The following SGCZ variants were observed in gnomAD, a reference collection of about 807,000 sequenced individuals.
SGCZ encodes the protein zeta-sarcoglycan.
SGCZ carries 40 observed loss-of-function variants against 41.3 expected under a neutral mutation model. The ratio of observed to expected loss-of-function variants is 0.97; its 90% CI spans 0.75 to 1.26. SGCZ has a LOEUF of 1.26. Among genes scored for constraint, SGCZ ranks in the 50% most tolerant of loss-of-function variants. The probability of loss-of-function intolerance (pLI) is 0.00; values close to 1 mark genes in which losing one functional copy is unlikely to be tolerated. For missense variants in SGCZ, 552 were observed against 369.8 expected, an observed-to-expected ratio of 1.49 and a Z score of -4.04; for synonymous variants, 206 against 137.5, an observed-to-expected ratio of 1.50 and a Z score of -3.49.
intron 2 of SGCZ, among the ~76,000 whole-genome samples, chr8:14,551,521 TATAA>T (rs1803835692): frequency 1.8e-4 from 1 of 5,538 alleles, no homozygotes; most frequent in Non-Finnish European, 2.8e-4. Context: ...ATATATTATA[TATAA>T]TATATATAAT....
intron 1 of SGCZ, among the ~76,000 whole-genome samples, chr8:15,009,878 C>A (rs1189962740): frequency 6.6e-6 from 1 of 152,110 alleles, no homozygotes; most frequent in Non-Finnish European, 1.5e-5. Flanking sequence ...TCCTCTGTAG[C>A]AAATTTATAT....
chr8:14,342,864 C>A (rs1382763468), intron 2 of SGCZ, among the ~76,000 whole-genome samples: 1 of 152,188 alleles, frequency 6.6e-6, no homozygotes, highest in Admixed American at 6.5e-5. Flanking sequence ...ATGACAGCGA[C>A]CTTCACCGAA....
At chr8:14,751,045 G>A (rs1458328759) in intron 1 of SGCZ, among the ~76,000 whole-genome samples, 1 of 152,124 alleles carries the variant, frequency 6.6e-6, no homozygotes, top group Non-Finnish European at 1.5e-5. Context: ...GCTATCATAT[G>A]TACAACTCTT....
At chr8:14,495,916 G>A (rs1361693879) in intron 2 of SGCZ, among the ~76,000 whole-genome samples, 3 of 152,102 alleles carry the variant, frequency 2.0e-5, no homozygotes, top group Non-Finnish European at 4.4e-5. Flanking sequence ...AAGGACATTT[G>A]TTGGATCTAG....
intron 1 of SGCZ, among the ~76,000 whole-genome samples, chr8:15,066,600 TTTC>T (rs1322179776): frequency 1.3e-5 from 2 of 152,226 alleles, no homozygotes; most frequent in Admixed American, 6.5e-5. Flanking sequence ...ATACTAACAT[TTTC>T]TTCAACTCAA....
At chr8:14,619,467 AG>A (rs750913299) in intron 1 of SGCZ, among the ~76,000 whole-genome samples, 7 of 152,100 alleles carry the variant, frequency 4.6e-5, no homozygotes, top group Non-Finnish European at 8.8e-5. Context: ...AAAAAAATAA[AG>A]GGTATTCAAT....
chr8:14,814,900 A>G (rs1412003044), intron 1 of SGCZ, among the ~76,000 whole-genome samples: 1 of 152,190 alleles, frequency 6.6e-6, no homozygotes, highest in Non-Finnish European at 1.5e-5. Context: ...AGCTACATAT[A>G]GTTGCTATTT....
At chr8:14,493,606 T>G (rs1461643903) in intron 2 of SGCZ, among the ~76,000 whole-genome samples, 2 of 151,692 alleles carry the variant, frequency 1.3e-5, no homozygotes, top group African/African-American at 2.4e-5. Flanking sequence ...GACCTCATGA[T>G]CTGCCCACCT....
chr8:14,867,933 C>G (rs1056215374), intron 1 of SGCZ, among the ~76,000 whole-genome samples: 3 of 148,252 alleles, frequency 2.0e-5, no homozygotes, highest in African/African-American at 7.6e-5. Flanking sequence ...AAAAAAAAAG[C>G]CTGAAGAAGG....
At chr8:14,287,070 CT>C (rs1404865480) in intron 3 of SGCZ, among the ~76,000 whole-genome samples, 2 of 151,648 alleles carry the variant, frequency 1.3e-5, no homozygotes, top group Non-Finnish European at 2.9e-5. Context: ...AGTATTTATG[CT>C]TTCTTACAAA....
intron 3 of SGCZ, among the ~76,000 whole-genome samples, chr8:14,266,044 G>A (rs1484417165): frequency 1.3e-5 from 2 of 152,066 alleles, no homozygotes; most frequent in African/African-American, 4.8e-5. Context: ...ATGCCAAGAG[G>A]TAGAAGACAT....
At chr8:14,751,535 C>T (rs1799497142) in intron 1 of SGCZ, among the ~76,000 whole-genome samples, 1 of 152,112 alleles carries the variant, frequency 6.6e-6, no homozygotes, top group Admixed American at 6.6e-5. Flanking sequence ...ACAACATTTA[C>T]ACATCATATG....
chr8:14,337,726 A>T (rs1802553138), intron 2 of SGCZ, among the ~76,000 whole-genome samples: 2 of 152,182 alleles, frequency 1.3e-5, no homozygotes, highest in South Asian at 2.1e-4. Flanking sequence ...TATCAAGGCC[A>T]TTAAAAATTC....
In SGCZ at chr8:14,521,911, C is replaced by T. The variant is rs570769270; in HGVS notation, c.234+32821G>A. Among the ~76,000 whole-genome samples, 7 of 152,136 alleles carry T rather than the reference C, an allele frequency of 4.6e-5. No homozygotes were observed. The South Asian group carries it at 8.3e-4, about 18-fold the overall frequency. On this transcript the variant is annotated intron_variant, in intron 2 of 7. Transcript: ENST00000382080. ...CTGTAAGTTTGCTGTAGATGCTGTA[C>T]GTCAATTTAAGGAAGTTTCTCTCTA...
intron 1 of SGCZ, among the ~76,000 whole-genome samples, chr8:14,857,365 C>G (rs1803578357): frequency 6.6e-6 from 1 of 152,122 alleles, no homozygotes; most frequent in Non-Finnish European, 1.5e-5. Flanking sequence ...AATGAGATTA[C>G]AGATGAGAGA....
chr8:14,544,939 G>C lies in SGCZ; in HGVS notation c.234+9793C>G, dbSNP rs1803578925. On this transcript the variant is annotated intron_variant, in intron 2 of 7. Transcript: ENST00000382080. ...CTGCTTTTTGCCCTTTGAAGCATGT[G>C]ATCTTTGTACCTACTCCCCGTTCTT... Among the ~76,000 whole-genome samples the C allele has an allele frequency of 4.6e-5, 7 of 152,020 alleles. No individual in the cohort carries two copies. In the South Asian group the frequency reaches 1.5e-3, roughly 32 times the overall value.
intron 1 of SGCZ, among the ~76,000 whole-genome samples, chr8:14,970,637 C>A (rs529387456): frequency 6.6e-6 from 1 of 152,154 alleles, no homozygotes; most frequent in Non-Finnish European, 1.5e-5. Context: ...ATTTCTTGAC[C>A]ATTTCTTCTG....
At chr8:14,385,298 T>C (rs1454298375) in intron 2 of SGCZ, among the ~76,000 whole-genome samples, 1 of 152,178 alleles carries the variant, frequency 6.6e-6, no homozygotes, top group Non-Finnish European at 1.5e-5. Flanking sequence ...AGGCAATTTC[T>C]AGTTGTAAGT....
At chr8:14,476,477 TATA>T (rs1042197580) in intron 2 of SGCZ, among the ~76,000 whole-genome samples, 5 of 152,002 alleles carry the variant, frequency 3.3e-5, no homozygotes, top group African/African-American at 1.2e-4. Flanking sequence ...TATAATTTAT[TATA>T]ATAATAAAAA....
Sources: allele counts gnomAD v4.1 joint callset (sites outside exome capture counted in the v4.1 genomes callset), GRCh38; gene constraint gnomAD v4.1.1; transcripts MANE v1.5; gene names NCBI Gene and HGNC (gene_info 2026-07-23, HGNC 2026-07-21).